Variants in TULP4 observed in about 807,000 individuals in gnomAD.
TULP4 encodes the protein tubby-related protein 4.
Under a neutral mutation model 129.0 loss-of-function variants are expected in TULP4, and 16 were observed. The ratio of observed to expected loss-of-function variants is 0.12; its 90% confidence interval spans 0.08 to 0.19. TULP4 has a LOEUF of 0.19. Ranked by LOEUF, TULP4 falls within the 10% of genes least tolerant of loss-of-function variation. TULP4 has a pLI of 1.00. For missense variants in TULP4, 1,842 were observed against 2,059.1 expected (o/e 0.89, Z 2.04); for synonymous variants, 998 against 854.0 (o/e 1.17, Z -2.94).
upstream of TULP4, among the ~76,000 whole-genome samples, chr6:158,311,399 A>T (rs1779350179): frequency 6.6e-6 from 1 of 152,086 alleles, no homozygotes; most frequent in African/African-American, 2.4e-5. Flanking sequence ...TTAGGGACAG[A>T]GTGTTCTCGT....
At chr6:158,240,649 T>C (rs112456100) in intron 1 of TULP4, among the ~76,000 whole-genome samples, 1 of 101,856 alleles carries the variant, frequency 9.8e-6, no homozygotes, top group Non-Finnish European at 2.2e-5. Context: ...GGGTGGAGGC[T>C]GACCCCCCCA....
intron 2 of TULP4, chr6:158,428,163 GA>G: frequency 6.6e-6 from 1 of 152,136 alleles, no homozygotes; most frequent in Non-Finnish European, 1.5e-5. Context: ...CTATTAAATT[GA>G]ATAAGTGGTT....
At chr6:158,278,328 A>G (rs1038935981), upstream of TULP4, among the ~76,000 whole-genome samples, 3 of 152,004 alleles carry the variant, frequency 2.0e-5, no homozygotes, top group Admixed American at 1.3e-4. Context: ...TTTCCATACA[A>G]TTGTTTTGAT....
chr6:158,338,043 T>C (rs545574975), intron 1 of TULP4, among the ~76,000 whole-genome samples: 2 of 152,122 alleles, frequency 1.3e-5, no homozygotes, highest in South Asian at 4.1e-4. Flanking sequence ...GAAGGGTAGG[T>C]ACAATTTAGG....
At chr6:158,253,771 A>G (rs1344721514) in intron 1 of TULP4, among the ~76,000 whole-genome samples, 1 of 152,236 alleles carries the variant, frequency 6.6e-6, no homozygotes, top group East Asian at 1.9e-4. Context: ...ATGGTGGCTC[A>G]TGCCTTTAAT....
At position 158,461,583 on chromosome 6, in the gene TULP4, A is replaced by C. The variant is rs773547692; in HGVS notation, c.880A>C (p.Thr294Pro). 2.5e-6 allele frequency: 4 copies of C among 1,613,570 alleles called. No individual in the cohort carries two copies. The highest frequency in any genetic ancestry group is 2.5e-6 in the Non-Finnish European group (3 of 1,179,868). ...TTCAGAGGTGGTAGCCCAGTGGTGCACACAGGGGGACTTGCTGGCAGTCGC... is the reference window on the plus strand; with the variant it reads ...TTCAGAGGTGGTAGCCCAGTGGTGCCCACAGGGGGACTTGCTGGCAGTCGC... ...GLKEVVAQWC[T>P]QGDLLAVAGM... The change falls in exon 6 of 14, where the codon ACA becomes CCA. Residue 294 changes from threonine (T) to proline (P), a missense_variant. Thr to Pro is a conservative substitution (Grantham distance 38, BLOSUM62 -1). Around this residue, in one of 5 missense-constraint regions of TULP4, gnomAD observed 456 missense variants for 534.3 expected, o/e 0.85. Transcript: ENST00000367097.
At chr6:158,410,664 G>C (rs985378181) in intron 1 of TULP4, among the ~76,000 whole-genome samples, 4 of 152,174 alleles carry the variant, frequency 2.6e-5, no homozygotes, top group African/African-American at 9.7e-5. Context: ...ATCATTGGCA[G>C]ATCTGAAAGA....
At chr6:158,365,693 G>T (rs755888647) in intron 1 of TULP4, among the ~76,000 whole-genome samples, 2 of 151,486 alleles carry the variant, frequency 1.3e-5, no homozygotes, top group African/African-American at 4.8e-5. Context: ...ATAGGGTCTC[G>T]ATCTCCTGAC....
chr6:158,437,003 A>G (rs1000087026), intron 3 of TULP4, among the ~76,000 whole-genome samples: 2 of 152,196 alleles, frequency 1.3e-5, no homozygotes, highest in Non-Finnish European at 2.9e-5. Context: ...TGGTGTGGTC[A>G]TGTCCCTGAG....
intron 1 of TULP4, among the ~76,000 whole-genome samples, chr6:158,325,238 T>TA (rs1328130109): frequency 6.6e-6 from 1 of 152,164 alleles, no homozygotes; most frequent in Non-Finnish European, 1.5e-5. Context: ...ATGGAAATAA[T>TA]AGTCTTAAAG....
At chr6:158,470,648 A>G (rs1779659486) in intron 6 of TULP4, among the ~76,000 whole-genome samples, 1 of 152,224 alleles carries the variant, frequency 6.6e-6, no homozygotes, top group Admixed American at 6.5e-5. Context: ...CAGAACCATT[A>G]AAGGAAATAT....
chr6:158,432,752 T>C (rs529363151), intron 3 of TULP4, among the ~76,000 whole-genome samples: 29 of 152,340 alleles, frequency 1.9e-4, no homozygotes, highest in Admixed American at 5.2e-4. Context: ...TGTGCGCTGT[T>C]TTGCCAACTT....
At chr6:158,269,126 G>C (rs542564298) in intron 1 of TULP4, among the ~76,000 whole-genome samples, 4 of 152,218 alleles carry the variant, frequency 2.6e-5, no homozygotes, top group Admixed American at 6.5e-5. Flanking sequence ...TCTCGAGTCT[G>C]AGAATATGAG....
chr6:158,262,242 C>T (rs1223470675), intron 1 of TULP4, among the ~76,000 whole-genome samples: 2 of 152,218 alleles, frequency 1.3e-5, no homozygotes, highest in Non-Finnish European at 2.9e-5. Context: ...CCCACTCAGC[C>T]TCCGCAGGTT....
intron 6 of TULP4, among the ~76,000 whole-genome samples, chr6:158,475,779 G>T (rs560502195): frequency 2.0e-5 from 3 of 152,222 alleles, no homozygotes; most frequent in Non-Finnish European, 1.5e-5. Flanking sequence ...GCCCCGCCCC[G>T]TGTCTGTGGC....
chr6:158,440,716 C>T (rs991824733), intron 3 of TULP4, among the ~76,000 whole-genome samples: 4 of 152,322 alleles, frequency 2.6e-5, no homozygotes, highest in East Asian at 3.9e-4. Flanking sequence ...CAGCCTCCCA[C>T]CCTTCAGGGC....
intron 1 of TULP4, among the ~76,000 whole-genome samples, chr6:158,377,353 A>G (rs1777216424): frequency 6.6e-6 from 1 of 152,236 alleles, no homozygotes; most frequent in Non-Finnish European, 1.5e-5. Flanking sequence ...GGCATGAACT[A>G]TTGCATTTAA....
intron 6 of TULP4, among the ~76,000 whole-genome samples, chr6:158,470,230 G>A (rs551706653): frequency 5.4e-4 from 83 of 152,338 alleles, no homozygotes; most frequent in African/African-American, 1.9e-3. Flanking sequence ...GGGAGTCAGC[G>A]GCGGGTCTGC....
At chr6:158,436,239 T>C (rs1455636524) in intron 3 of TULP4, among the ~76,000 whole-genome samples, 2 of 152,186 alleles carry the variant, frequency 1.3e-5, no homozygotes, top group African/African-American at 4.8e-5. Flanking sequence ...CAACCTTCAC[T>C]TAGTCACCAG....
Sources: allele counts gnomAD v4.1 joint callset (sites outside exome capture counted in the v4.1 genomes callset), GRCh38; gene constraint gnomAD v4.1.1; regional missense constraint gnomAD v4.1.1; transcripts MANE v1.5; gene names NCBI Gene and HGNC (gene_info 2026-07-23, HGNC 2026-07-21).